ATXN7L1: variants seen among roughly 807,000 people sequenced by gnomAD.
ATXN7L1 encodes the protein ataxin 7 like 1.
Under a neutral mutation model 70.8 loss-of-function variants are expected in ATXN7L1, and 15 were observed. The observed-to-expected ratio is 0.21, with a 90% CI of 0.14 to 0.33. ATXN7L1 has a LOEUF of 0.33. ATXN7L1 is among the 10% of genes least tolerant of loss of function. The pLI, the probability that ATXN7L1 is intolerant of heterozygous loss-of-function variation, is 1.00. For synonymous variants in ATXN7L1, 440 were observed against 445.1 expected (o/e 0.99, Z 0.14); for missense variants, 975 against 1,097.1 (o/e 0.89, Z 1.57).
At chr7:105,857,810 T>C (rs534684071) in intron 2 of ATXN7L1, among the ~76,000 whole-genome samples, 2 of 152,308 alleles carry the variant, frequency 1.3e-5, no homozygotes, top group East Asian at 3.9e-4. Flanking sequence ...TCCCACTGAT[T>C]GTGGTTTTCA....
intron 2 of ATXN7L1, among the ~76,000 whole-genome samples, chr7:105,791,290 T>C (rs1805196164): frequency 6.6e-6 from 1 of 152,248 alleles, no homozygotes; most frequent in South Asian, 2.1e-4. Context: ...TGGCCAGTCA[T>C]CCCCCTCATC....
At chr7:105,708,068 G>T (rs1445080873) in intron 3 of ATXN7L1, among the ~76,000 whole-genome samples, 3 of 152,218 alleles carry the variant, frequency 2.0e-5, no homozygotes, top group African/African-American at 7.2e-5. Flanking sequence ...CTGCCAGACT[G>T]GGCGCGAAGT....
chr7:105,680,467 T>A (rs548511892), intron 3 of ATXN7L1, among the ~76,000 whole-genome samples: 4 of 152,142 alleles, frequency 2.6e-5, no homozygotes. Flanking sequence ...CAGTTTCAGA[T>A]TGAGAGGGAG....
intron 3 of ATXN7L1, among the ~76,000 whole-genome samples, chr7:105,779,507 T>C (rs1378306997): frequency 1.3e-5 from 2 of 152,374 alleles, no homozygotes; most frequent in East Asian, 3.9e-4. Context: ...GTTGTAATGC[T>C]TGATTTATGG....
At chr7:105,846,487 G>C (rs545119038) in intron 2 of ATXN7L1, among the ~76,000 whole-genome samples, 2 of 152,314 alleles carry the variant, frequency 1.3e-5, no homozygotes, top group South Asian at 2.1e-4. Flanking sequence ...TAAGGATATA[G>C]AGAAATTAGA....
rs1386288348 is a variant in ATXN7L1 at position 105,663,086 on chromosome 7, C to T, written c.578+1980G>A. On this transcript the variant is annotated intron_variant, in intron 4 of 11. Coordinates refer to ENST00000419735, the MANE Select transcript of ATXN7L1 (RefSeq NM_020725.2). Reference sequence around the variant, plus strand: ...GTGACTCCAGAGCTTGTGGTTACATCGGGACACCATGCAGCCCCAGTAAAT... The same window carrying T: ...GTGACTCCAGAGCTTGTGGTTACATTGGGACACCATGCAGCCCCAGTAAAT... 5.3e-5 allele frequency among the ~76,000 whole-genome samples: 8 copies of T among 152,290 alleles called. No individual in the cohort carries two copies. In the East Asian group the frequency reaches 7.7e-4, roughly 15 times the overall value.
At chr7:105,845,062 G>A (rs527915126) in intron 2 of ATXN7L1, among the ~76,000 whole-genome samples, 13 of 151,820 alleles carry the variant, frequency 8.6e-5, no homozygotes, top group Admixed American at 2.6e-4. Flanking sequence ...AAAATTAGCC[G>A]GGCATCGTGG....
intron 3 of ATXN7L1, among the ~76,000 whole-genome samples, chr7:105,707,438 A>T (rs993446864): frequency 2.6e-5 from 4 of 152,174 alleles, no homozygotes; most frequent in Admixed American, 2.6e-4. Flanking sequence ...TACAAAAAAG[A>T]TGAAGAATGA....
chr7:105,838,821 T>C (rs1228099798), intron 2 of ATXN7L1, among the ~76,000 whole-genome samples: 1 of 152,222 alleles, frequency 6.6e-6, no homozygotes, highest in Non-Finnish European at 1.5e-5. Flanking sequence ...AGTCTAGGAA[T>C]GTTCCATTAT....
chr7:105,700,446 G>A (rs1792294430), intron 3 of ATXN7L1, among the ~76,000 whole-genome samples: 1 of 135,770 alleles, frequency 7.4e-6, no homozygotes, highest in Non-Finnish European at 1.6e-5. Context: ...GGCAGAGGTT[G>A]CAGTGAGCTG....
chr7:105,693,268 T>G lies in ATXN7L1; in HGVS notation c.356-27980A>C, dbSNP rs145700519. Among the ~76,000 whole-genome samples the G allele has an allele frequency of 2.0e-5, 3 of 152,128 alleles. No individual in the cohort carries two copies. In the East Asian group the frequency reaches 5.8e-4, roughly 29 times the overall value. On this transcript the variant is annotated intron_variant, in intron 3 of 11. Transcript: ENST00000419735. Reference sequence around the variant, plus strand: ...GTGCAGTGGTGCCATCATAGCTCACTGCAGCCTTGAACTCCTGGGCTCAAG... The same window carrying G: ...GTGCAGTGGTGCCATCATAGCTCACGGCAGCCTTGAACTCCTGGGCTCAAG...
At chr7:105,732,829 T>G (rs932802194) in intron 3 of ATXN7L1, among the ~76,000 whole-genome samples, 5 of 152,356 alleles carry the variant, frequency 3.3e-5, no homozygotes, top group African/African-American at 9.6e-5. Context: ...GGCTCATAGC[T>G]GTTCCTCAAA....
chr7:105,876,336 T>A (rs1207435734), intron 1 of ATXN7L1, 42 bp downstream of exon 1: 24 of 1,542,302 alleles, frequency 1.6e-5, no homozygotes, highest in Non-Finnish European at 2.0e-5. Context: ...AATGGAAAGG[T>A]TACAGGATAA....
chr7:105,678,552 T>C (rs1223124364), intron 3 of ATXN7L1, among the ~76,000 whole-genome samples: 1 of 152,122 alleles, frequency 6.6e-6, no homozygotes, highest in African/African-American at 2.4e-5. Flanking sequence ...TTGTACAGTT[T>C]GAATAGAAAG....
In ATXN7L1 at chr7:105,642,903, G is replaced by T; in HGVS notation, c.797C>A (p.Thr266Asn). Residue 266 changes from threonine (T) to asparagine (N), a missense_variant, in exon 5 of 12, where the codon ACC becomes AAC. By Grantham distance (65) the Thr-to-Asn change is moderately conservative. This residue lies in a region of ATXN7L1 where 192 missense variants were observed against 215.5 expected (regional missense o/e 0.89). Coordinates refer to ENST00000419735, the MANE Select transcript of ATXN7L1 (RefSeq NM_020725.2). ...KILNGKGILP[T>N]TIDKKHQNGT... Reference sequence around the variant, plus strand: ...ATTTTGGTGTTTCTTGTCTATGGTGGTTGGCAGAATTCCTTTGCCATTTAA... The same window carrying T: ...ATTTTGGTGTTTCTTGTCTATGGTGTTTGGCAGAATTCCTTTGCCATTTAA... The T allele has an allele frequency of 6.4e-7, 1 of 1,551,730 alleles. No homozygotes were observed. Among genetic ancestry groups the T allele is most frequent in the Non-Finnish European group, 8.7e-7 (1 of 1,147,018 alleles).
At chr7:105,629,267 A>G (rs1417227012) in intron 7 of ATXN7L1, among the ~76,000 whole-genome samples, 1 of 151,866 alleles carries the variant, frequency 6.6e-6, no homozygotes, top group African/African-American at 2.4e-5. Context: ...GTATCTCCCC[A>G]TTTCTCCCAA....
At chr7:105,742,900 A>G (rs1798170313) in intron 3 of ATXN7L1, among the ~76,000 whole-genome samples, 1 of 152,108 alleles carries the variant, frequency 6.6e-6, no homozygotes, top group Non-Finnish European at 1.5e-5. Context: ...CTTGACGAGT[A>G]TCTTCCAGCA....
At chr7:105,807,129 T>C (rs959771708) in intron 2 of ATXN7L1, among the ~76,000 whole-genome samples, 1 of 152,204 alleles carries the variant, frequency 6.6e-6, no homozygotes, top group Non-Finnish European at 1.5e-5. Flanking sequence ...CTTCCCAGCA[T>C]AGCTGCCTTT....
At chr7:105,684,011 T>C (rs757109206) in intron 3 of ATXN7L1, among the ~76,000 whole-genome samples, 6 of 152,218 alleles carry the variant, frequency 3.9e-5, no homozygotes, top group Non-Finnish European at 8.8e-5. Context: ...TCCACACTCC[T>C]GCCCAGGGGC....
Sources: gnomAD v4.1 joint callset for allele counts (sites outside exome capture counted in the v4.1 genomes callset) on GRCh38, gnomAD v4.1.1 for gene constraint, gnomAD v4.1.1 regional missense constraint, MANE v1.5 for transcripts, NCBI Gene and HGNC (gene_info 2026-07-23, HGNC 2026-07-21) for gene names.